The following ENOX1 variants were observed in gnomAD, a reference collection of about 807,000 sequenced individuals.
The protein encoded by ENOX1 is ecto-NOX disulfide-thiol exchanger 1, also known as candidate growth-related and time keeping constitutive hydroquinone (NADH) oxidase.
In ENOX1, 42 loss-of-function variants were observed where a neutral mutation model predicts 82.5. That is an observed-to-expected ratio of 0.51 (90% CI 0.40 to 0.66). ENOX1 has a LOEUF of 0.66. Ranked by LOEUF, ENOX1 falls within the 30% of genes least tolerant of loss-of-function variation. The pLI, the probability that ENOX1 is intolerant of heterozygous loss-of-function variation, is 0.00. For missense variants in ENOX1, 608 were observed against 811.6 expected (o/e 0.75, Z 3.05); for synonymous variants, 271 against 282.2 (o/e 0.96, Z 0.40).
intron 15 of ENOX1, among the ~76,000 whole-genome samples, chr13:43,226,828 C>T (rs1011824419): frequency 2.6e-5 from 4 of 152,300 alleles, no homozygotes; most frequent in Admixed American, 1.3e-4. Flanking sequence ...CAGCATTCCT[C>T]GGGTGGACAT....
At chr13:43,478,054 G>GTTT (rs756717438) in intron 3 of ENOX1, among the ~76,000 whole-genome samples, 59 of 100,436 alleles carry the variant, frequency 5.9e-4, no homozygotes, top group East Asian at 4.0e-3. Flanking sequence ...AGCCAGAGAG[G>GTTT]TTTTTTTTTT....
At chr13:43,222,922 A>G (rs1385453625) in intron 16 of ENOX1, among the ~76,000 whole-genome samples, 1 of 152,184 alleles carries the variant, frequency 6.6e-6, no homozygotes, top group Non-Finnish European at 1.5e-5. Context: ...GAATTTTAAA[A>G]TTCTCTAACT....
chr13:43,628,345 T>C (rs529391955), intron 2 of ENOX1, among the ~76,000 whole-genome samples: 1 of 152,302 alleles, frequency 6.6e-6, no homozygotes, highest in Non-Finnish European at 1.5e-5. Context: ...TTGTTATGTC[T>C]TCCAGTTATT....
chr13:43,283,617 T>C (rs1438852714), intron 12 of ENOX1, among the ~76,000 whole-genome samples: 3 of 128,912 alleles, frequency 2.3e-5, no homozygotes, highest in Non-Finnish European at 3.3e-5. Context: ...AGCTAATTAA[T>C]TTTTTTTTTT....
chr13:43,476,228 G>T (rs568850947), intron 3 of ENOX1, among the ~76,000 whole-genome samples: 1 of 151,918 alleles, frequency 6.6e-6, no homozygotes, highest in East Asian at 1.9e-4. Context: ...TAGGTATAAC[G>T]CTCCATAAAA....
intron 5 of ENOX1, among the ~76,000 whole-genome samples, chr13:43,367,695 C>T (rs2050939832): frequency 1.4e-5 from 2 of 139,612 alleles, no homozygotes; most frequent in Admixed American, 1.6e-4. Context: ...GTGTGTGGTA[C>T]TTTGATACAG....
chr13:43,778,582 T>C (rs1183122798), intron 1 of ENOX1, among the ~76,000 whole-genome samples: 11 of 152,146 alleles, frequency 7.2e-5, no homozygotes, highest in Admixed American at 5.9e-4. Context: ...AAAATCACTA[T>C]TCATCACAAA....
intron 12 of ENOX1, among the ~76,000 whole-genome samples, chr13:43,297,278 T>C (rs1442257132): frequency 2.6e-5 from 4 of 152,206 alleles, no homozygotes; most frequent in African/African-American, 4.8e-5. Context: ...TAGTTACCTC[T>C]AATCACTAAG....
chr13:43,676,597 C>T (rs572934830), intron 1 of ENOX1, among the ~76,000 whole-genome samples: 48 of 150,694 alleles, frequency 3.2e-4, no homozygotes, highest in Middle Eastern at 7.0e-3. Context: ...TGCAGACTTC[C>T]TCTCTGCTGC....
intron 1 of ENOX1, among the ~76,000 whole-genome samples, chr13:43,686,445 A>AT (rs1022209633): frequency 1.3e-5 from 2 of 152,138 alleles, no homozygotes; most frequent in South Asian, 2.1e-4. Context: ...GGAGTTCCTT[A>AT]TTTTTTAACA....
At position 43,258,754 on chromosome 13, in the gene ENOX1, GT is replaced by G. The variant is rs568239869; in HGVS notation, c.1611+6643del. Among the ~76,000 whole-genome samples, 40 of 152,228 alleles carry G rather than the reference GT, an allele frequency of 2.6e-4. No homozygotes were observed. In the East Asian group the frequency reaches 6.8e-3, roughly 26 times the overall value. ...CGTAAAGTTCTCTGTACCACTCATT[GT>G]GCCCCACTCCTACTAGACTCTCCTC... On this transcript the variant is annotated intron_variant, in intron 14 of 16. Coordinates refer to ENST00000690772, the MANE Select transcript of ENOX1 (RefSeq NM_001347969.2).
chr13:43,249,555 G>C (rs2043332205), intron 14 of ENOX1, among the ~76,000 whole-genome samples: 1 of 152,044 alleles, frequency 6.6e-6, no homozygotes, highest in African/African-American at 2.4e-5. Flanking sequence ...GGTGCTCCTG[G>C]CATGTTATTT....
chr13:43,424,382 G>A (rs1200984454), intron 3 of ENOX1, among the ~76,000 whole-genome samples: 1 of 152,162 alleles, frequency 6.6e-6, no homozygotes, highest in Non-Finnish European at 1.5e-5. Flanking sequence ...ACCCTTAAAT[G>A]GTGGCAAACT....
intron 8 of ENOX1, among the ~76,000 whole-genome samples, chr13:43,351,085 C>T (rs1180723469): frequency 6.6e-6 from 1 of 152,186 alleles, no homozygotes; most frequent in East Asian, 1.9e-4. Context: ...TCACAGTGTA[C>T]AGTCACAGAG....
chr13:43,548,582 C>G (rs1236082385), intron 2 of ENOX1, among the ~76,000 whole-genome samples: 2 of 152,176 alleles, frequency 1.3e-5, no homozygotes, highest in African/African-American at 4.8e-5. Flanking sequence ...TAAAACACAA[C>G]GAAACTTCTT....
At chr13:43,740,142 G>C (rs1324661096) in intron 1 of ENOX1, among the ~76,000 whole-genome samples, 1 of 152,124 alleles carries the variant, frequency 6.6e-6, no homozygotes, top group African/African-American at 2.4e-5. Flanking sequence ...GGGAACAACA[G>C]ATTCATAAGT....
chr13:43,513,900 A>C (rs2077464938), intron 2 of ENOX1, among the ~76,000 whole-genome samples: 1 of 152,194 alleles, frequency 6.6e-6, no homozygotes, highest in Non-Finnish European at 1.5e-5. Flanking sequence ...ATGATTCTGC[A>C]TTAATTTATT....
At chr13:43,350,736 C>G (rs911150656) in intron 8 of ENOX1, among the ~76,000 whole-genome samples, 1 of 152,334 alleles carries the variant, frequency 6.6e-6, no homozygotes, top group African/African-American at 2.4e-5. Context: ...TGAGCCACTA[C>G]GCCCGGCTGG....
Position 43,236,744 on chromosome 13 carries a change from A to C in ENOX1, c.1612-6T>G. The C allele has an allele frequency of 6.4e-7, 1 of 1,553,508 alleles. No homozygotes were observed. Among genetic ancestry groups the C allele is most frequent in the Non-Finnish European group, 8.6e-7 (1 of 1,156,858 alleles). On this transcript the variant is annotated splice_region_variant and splice_polypyrimidine_tract_variant and intron_variant, in intron 14 of 16. Coordinates refer to ENST00000690772, the MANE Select transcript of ENOX1 (RefSeq NM_001347969.2). ...ACTGTCAACACATTGATTTCCTATA[A>C]AGTTAAAAGCCAAAAACCATATATG...
Sources: gnomAD v4.1 joint callset for allele counts (sites outside exome capture counted in the v4.1 genomes callset) on GRCh38, gnomAD v4.1.1 for gene constraint, MANE v1.5 for transcripts, NCBI Gene and HGNC (gene_info 2026-07-23, HGNC 2026-07-21) for gene names.